The following GUCY2C variants were observed in gnomAD, a reference collection of about 807,000 sequenced individuals.
GUCY2C encodes the protein guanylate cyclase 2C, also known as guanylyl cyclase C.
GUCY2C carries 118 observed loss-of-function variants against 131.1 expected under a neutral mutation model. That is an observed-to-expected ratio of 0.90 (90% CI 0.78 to 1.05). The LOEUF (loss-of-function observed/expected upper bound fraction) is 1.05, where lower values mean the gene tolerates loss of function less well. Ranked by LOEUF, GUCY2C falls within the 50% of genes least tolerant of loss-of-function variation. GUCY2C has a pLI of 0.00. For synonymous variants in GUCY2C, 452 were observed against 457.8 expected, an observed-to-expected ratio of 0.99 and a Z score of 0.16; for missense variants, 1,161 against 1,304.4, an observed-to-expected ratio of 0.89 and a Z score of 1.69.
At chr12:14,664,648 A>G (rs542430278) in intron 10 of GUCY2C, among the ~76,000 whole-genome samples, 1 of 152,262 alleles carries the variant, frequency 6.6e-6, no homozygotes, top group South Asian at 2.1e-4. Flanking sequence ...ATCACATTCT[A>G]TTTAACTCAT....
At chr12:14,650,675 T>G (rs758424150) in intron 15 of GUCY2C, among the ~76,000 whole-genome samples, 1 of 152,216 alleles carries the variant, frequency 6.6e-6, no homozygotes, top group Non-Finnish European at 1.5e-5. Flanking sequence ...GGGCTTGCTT[T>G]CCCTTCTGCA....
intron 8 of GUCY2C, 56 bp from the exon 9 acceptor site, chr12:14,673,014 A>G (rs1948148977): frequency 1.0e-6 from 1 of 975,946 alleles, no homozygotes; most frequent in African/African-American, 1.6e-5. Flanking sequence ...CTGACAGATA[A>G]GTTGGATCAT....
chr12:14,676,709 A>T, intron 7 of GUCY2C, 145 bp downstream of exon 7: 1 of 260,736 alleles, frequency 3.8e-6, no homozygotes. Flanking sequence ...AGTTGGTTTC[A>T]GTTAACATTT....
rs1247181883 is a variant in GUCY2C, at chr12:14,668,007, T to C, written c.1282+1715A>G. 4.2e-5 allele frequency among the ~76,000 whole-genome samples: 6 copies of C among 143,080 alleles called. No individual in the cohort carries two copies. The South Asian group carries it at 6.8e-4, about 16-fold the overall frequency. The allele number at this position is 143,080 out of a possible 152,430, so 93.9% of individuals were successfully genotyped here. A position where few individuals can be genotyped will look rare whatever the true frequency, so the allele number is the denominator to read the frequency against. ...GAATATATAATAATTTTCTTTTTTT[T>C]TTTTTTTTTTTTTTGAGGCAGGGTC... On this transcript the variant is annotated intron_variant, in intron 10 of 26. Transcript: ENST00000261170.
intron 24 of GUCY2C, among the ~76,000 whole-genome samples, chr12:14,618,613 C>A (rs762802641): frequency 6.6e-6 from 1 of 152,068 alleles, no homozygotes; most frequent in Non-Finnish European, 1.5e-5. Context: ...CCAGCCTGGG[C>A]AACATAGTGA....
At chr12:14,665,704 A>C (rs139700572) in intron 10 of GUCY2C, 40 of 152,344 alleles carry the variant, frequency 2.6e-4, no homozygotes, top group African/African-American at 9.4e-4. Context: ...CCAGGTGCTC[A>C]GAACATTGTC....
intron 3 of GUCY2C, among the ~76,000 whole-genome samples, chr12:14,683,555 G>A (rs1414467821): frequency 6.6e-6 from 1 of 152,198 alleles, no homozygotes; most frequent in Non-Finnish European, 1.5e-5. Flanking sequence ...TACAGGGGAA[G>A]TCGGGCTAAG....
intron 15 of GUCY2C, 91 bp downstream of exon 15, chr12:14,651,316 C>G: frequency 1.5e-6 from 1 of 674,350 alleles, no homozygotes; most frequent in East Asian, 2.7e-5. Context: ...CCCTGATTTT[C>G]TCTAATATTA....
intron 21 of GUCY2C, among the ~76,000 whole-genome samples, chr12:14,624,067 G>C (rs748086001): frequency 3.9e-5 from 6 of 152,184 alleles, no homozygotes; most frequent in Non-Finnish European, 7.3e-5. Flanking sequence ...GAGTTAACAT[G>C]ATGAGCTTTG....
At chr12:14,642,929 T>C (rs182656196) in intron 17 of GUCY2C, among the ~76,000 whole-genome samples, 1 of 152,202 alleles carries the variant, frequency 6.6e-6, no homozygotes. Flanking sequence ...TGGATCTAGG[T>C]AGTATTTTAA....
In GUCY2C at chr12:14,672,489, A is replaced by G. The variant is rs890594950; in HGVS notation, c.1170+384T>C. 2.6e-5 allele frequency among the ~76,000 whole-genome samples: 4 copies of G among 152,326 alleles called. No homozygotes were observed. In the South Asian group the frequency reaches 6.2e-4, roughly 24 times the overall value. On this transcript the variant is annotated intron_variant, in intron 9 of 26. Transcript: ENST00000261170. The stretch of plus-strand genomic sequence containing the variant: ...AGATAACAGGGAATATTTCATTGAA[A>G]TCTTTAGTTGTGAAAATGAGTAAAC...
intron 19 of GUCY2C, 66 bp from the exon 20 acceptor site, chr12:14,628,803 A>AT: frequency 1.2e-6 from 1 of 825,202 alleles, no homozygotes; most frequent in Non-Finnish European, 2.1e-6. Context: ...GAGAATTCTT[A>AT]TTCTCATTGA....
At chr12:14,622,771 T>C (rs996191076) in intron 21 of GUCY2C, among the ~76,000 whole-genome samples, 1 of 152,256 alleles carries the variant, frequency 6.6e-6, no homozygotes, top group African/African-American at 2.4e-5. Flanking sequence ...ATTTGGGTCC[T>C]TTGTAAAGCA....
At chr12:14,661,599 C>T (rs199888598) in intron 10 of GUCY2C, among the ~76,000 whole-genome samples, 19 of 151,988 alleles carry the variant, frequency 1.3e-4, no homozygotes, top group African/African-American at 2.9e-4. Context: ...CCACCATGCC[C>T]GGATAATTTT....
chr12:14,651,472 C>G lies in GUCY2C; in HGVS notation c.1645G>C (p.Gly549Arg), dbSNP rs367698688. ...ATCATGGTATCAAGTTTCACTGTGC[C>G]GTAGAACTTGGTCAGGTTGTAATAG... ...IDYYNLTKFY[G>R]TVKLDTMIFG... Residue 549 changes from glycine (G) to arginine (R), a missense_variant, in exon 15 of 27, where the codon GGC becomes CGC. By Grantham distance (125) the Gly-to-Arg change is moderately radical. Transcript: ENST00000261170. 1.2e-6 allele frequency: 2 copies of G among 1,609,032 alleles called. No individual in the cohort carries two copies. Among genetic ancestry groups the G allele is most frequent in the Non-Finnish European group, 8.5e-7 (1 of 1,175,482 alleles).
intron 6 of GUCY2C, among the ~76,000 whole-genome samples, chr12:14,679,297 C>T (rs1244565458): frequency 6.6e-6 from 1 of 152,098 alleles, no homozygotes; most frequent in Non-Finnish European, 1.5e-5. Context: ...AACTCCTGGA[C>T]TCAAGCAATC....
chr12:14,666,434 C>T (rs1441404039), intron 10 of GUCY2C, among the ~76,000 whole-genome samples: 2 of 152,082 alleles, frequency 1.3e-5, no homozygotes, highest in East Asian at 3.9e-4. Flanking sequence ...AGACTGTTTT[C>T]AATTAAAAGA....
intron 19 of GUCY2C, among the ~76,000 whole-genome samples, chr12:14,629,048 A>T (rs1380401056): frequency 6.6e-6 from 1 of 152,218 alleles, no homozygotes; most frequent in Non-Finnish European, 1.5e-5. Context: ...AGAGAAAAAA[A>T]TAGTGAAGGT....
chr12:14,656,580 A>AT lies in GUCY2C; in HGVS notation c.1401dup (p.Trp468MetfsTer7), dbSNP rs1183741162. The AT allele has an allele frequency of 1.9e-6, 3 of 1,598,162 alleles. No homozygotes were observed. The highest frequency in any genetic ancestry group is 2.6e-6 in the Non-Finnish European group (3 of 1,165,590). On this transcript the variant is annotated frameshift_variant, in exon 12 of 27. Transcript: ENST00000261170. LOFTEE classifies it high-confidence loss of function. ...ATATTTTCAGGAGGAATGTGGGACC[A>AT]TTTTTTCTGACGAAGTTCATAATCT...
Sources: gnomAD v4.1 joint callset for allele counts (sites outside exome capture counted in the v4.1 genomes callset) on GRCh38, gnomAD v4.1.1 for gene constraint, MANE v1.5 for transcripts, NCBI Gene and HGNC (gene_info 2026-07-23, HGNC 2026-07-21) for gene names.